Variants in EXD3 observed in about 807,000 individuals in gnomAD.
The protein encoded by EXD3 is exonuclease mut-7 homolog.
Under a neutral mutation model 98.0 loss-of-function variants are expected in EXD3, and 92 were observed. The ratio of observed to expected loss-of-function variants is 0.94; its 90% CI spans 0.79 to 1.12. The LOEUF is 1.12. Ranked by LOEUF, EXD3 falls within the 50% of genes most tolerant of loss-of-function variation. The probability of loss-of-function intolerance (pLI) is 0.00; values close to 1 mark genes in which losing one functional copy is unlikely to be tolerated. For missense variants in EXD3, 1,222 were observed against 1,191.6 expected, an observed-to-expected ratio of 1.03 and a Z score of -0.38; for synonymous variants, 569 against 526.0, an observed-to-expected ratio of 1.08 and a Z score of -1.12.
At chr9:137,354,505 G>A in intron 9 of EXD3, 128 bp from the exon 10 acceptor site, 1 of 1,547,538 alleles carries the variant, frequency 6.5e-7, no homozygotes, top group Non-Finnish European at 8.7e-7. Flanking sequence ...ACCCGCCCTG[G>A]TGCCACAGCC....
At chr9:137,355,349 A>C (rs1834577452) in intron 8 of EXD3, among the ~76,000 whole-genome samples, 1 of 151,788 alleles carries the variant, frequency 6.6e-6, no homozygotes, top group Non-Finnish European at 1.5e-5. Flanking sequence ...CCGACCTTTC[A>C]GGGCCCCACC....
chr9:137,395,694 C>T lies in EXD3; in HGVS notation c.-47-290G>A, dbSNP rs902630348. ...GGGGGGGGCACAGTAGACAGACCCT[C>T]GCGGGAGTGCAGAGGGGCCTGTTCT... is the stretch of plus-strand genomic sequence containing the variant. On this transcript the variant is annotated intron_variant, in intron 1 of 21. Coordinates refer to ENST00000340951, the MANE Select transcript of EXD3 (RefSeq NM_017820.5). This position sits in a 1 kb window ranked among gnomAD's most constrained non-coding sequence, Gnocchi z 6.5. Among the ~76,000 whole-genome samples the T allele has an allele frequency of 5.9e-5, 9 of 152,246 alleles. No individual in the cohort carries two copies. Among genetic ancestry groups the T allele is most frequent in the East Asian group, 1.9e-4 (1 of 5,152 alleles).
In EXD3 at chr9:137,352,754, C is replaced by T. The variant is rs1834375648; in HGVS notation, c.903G>A (p.Glu301=). Residue 301 remains glutamate, a synonymous_variant, in exon 11 of 22, where the codon GAG becomes GAA. Transcript: ENST00000340951. The stretch of plus-strand genomic sequence containing the variant: ...GGGAGACCAGCAGCTGAGACAGCTG[C>T]TCCTGAAGCCACGGGCTCTGCCCCA... ...GLVGQSPWLQ[E]QLSQLLVSHS... is the part of the protein sequence containing the mutation. 6.3e-7 allele frequency: 1 copy of T among 1,578,594 alleles called. No homozygotes were observed. The highest frequency in any genetic ancestry group is 8.6e-7 in the Non-Finnish European group (1 of 1,164,214).
chr9:137,415,392 C>T (rs1838191523), intron 1 of EXD3, among the ~76,000 whole-genome samples: 1 of 151,922 alleles, frequency 6.6e-6, no homozygotes, highest in Non-Finnish European at 1.5e-5. Flanking sequence ...CAGGGTCTCT[C>T]CATGTTCGCC....
intron 1 of EXD3, among the ~76,000 whole-genome samples, chr9:137,406,765 G>A (rs1837732142): frequency 6.6e-6 from 1 of 152,112 alleles, no homozygotes; most frequent in African/African-American, 2.4e-5. Flanking sequence ...TCAGTGGGCG[G>A]TAGACCCTCT....
In EXD3 at chr9:137,354,431, G is replaced by A. The variant is rs151081850; in HGVS notation, c.832-54C>T. 1.8e-3 allele frequency: 2,939 copies of A among 1,609,544 alleles called. 55 individuals carry two copies. The African/African-American group carries it at 0.032, about 18-fold the overall frequency. On this transcript the variant is annotated intron_variant, in intron 9 of 21. Coordinates refer to ENST00000340951, the MANE Select transcript of EXD3 (RefSeq NM_017820.5). ...GCCAGGCAGCTCCAGAGGCTGTATC[G>A]GGGCCTGGTGGGAGTTTTCCTCGAC...
Position 137,309,692 on chromosome 9 carries a change from G to A in EXD3, c.2193C>T (p.Asn731=), listed in dbSNP as rs761061781. 5.7e-5 allele frequency: 89 copies of A among 1,554,088 alleles called. No homozygotes were observed. In the South Asian group the frequency reaches 1.0e-3, roughly 17 times the overall value. ...ADIFSRCQAC[N]CDQYLKVSRD... ...TGGAGACCTTTAGGTACTGGTCACA[G>A]TTACAGGCCTGGGGGCCAGAGGGGG... The change falls in exon 20 of 22, where the codon AAC becomes AAT. Residue 731 remains asparagine, a synonymous_variant. Coordinates refer to ENST00000340951, the MANE Select transcript of EXD3 (RefSeq NM_017820.5).
intron 19 of EXD3, among the ~76,000 whole-genome samples, chr9:137,319,976 C>T (rs763228070): frequency 1.1e-4 from 16 of 152,220 alleles, no homozygotes; most frequent in Admixed American, 2.0e-4. Flanking sequence ...CCGCATGTGG[C>T]GCATACACGT....
chr9:137,380,689 G>A (rs1186418374), intron 3 of EXD3, among the ~76,000 whole-genome samples: 5 of 39,078 alleles, frequency 1.3e-4, no homozygotes, highest in Non-Finnish European at 1.9e-4. Context: ...CAATCCCCCC[G>A]CCGGTATCCC....
chr9:137,337,183 C>T (rs893677250), intron 17 of EXD3, among the ~76,000 whole-genome samples: 4 of 152,110 alleles, frequency 2.6e-5, no homozygotes, highest in African/African-American at 9.7e-5. Context: ...AAAGATTTCA[C>T]ACAACAGAAA....
At chr9:137,321,210 C>T (rs1382338776) in intron 19 of EXD3, among the ~76,000 whole-genome samples, 7 of 152,232 alleles carry the variant, frequency 4.6e-5, no homozygotes, top group East Asian at 1.9e-4. Flanking sequence ...GGCAGAAGGG[C>T]GGTAGCAGAA....
rs1014295111 is a variant in EXD3, at chr9:137,403,463, C to T, written c.-47-8059G>A. Among the ~76,000 whole-genome samples the T allele has an allele frequency of 3.9e-5, 6 of 151,972 alleles. No homozygotes were observed. In the East Asian group the frequency reaches 1.2e-3, roughly 30 times the overall value. On this transcript the variant is annotated intron_variant, in intron 1 of 21. Coordinates refer to ENST00000340951, the MANE Select transcript of EXD3 (RefSeq NM_017820.5). This position sits in a 1 kb window ranked among gnomAD's most constrained non-coding sequence, Gnocchi z 6.1. ...CCAGCACACCCTGGCCCAGGGTCTC[C>T]GAGGGTCGGGGGCCGCAGGGTCTGG... is the stretch of plus-strand genomic sequence containing the variant.
At chr9:137,376,786 A>ATT (rs1835926108) in intron 3 of EXD3, among the ~76,000 whole-genome samples, 1 of 151,636 alleles carries the variant, frequency 6.6e-6, no homozygotes, top group African/African-American at 2.4e-5. Context: ...AAAATTAGCT[A>ATT]GGCATGGTGG....
At chr9:137,312,069 T>A (rs967638526) in intron 19 of EXD3, among the ~76,000 whole-genome samples, 16 of 152,122 alleles carry the variant, frequency 1.1e-4, no homozygotes, top group Non-Finnish European at 1.5e-4. Flanking sequence ...ATGCCAGGGT[T>A]CTCACGCCGC....
In EXD3 at chr9:137,417,853, G is replaced by A. The variant is rs531438198; in HGVS notation, c.-48+5261C>T. Among the ~76,000 whole-genome samples, 58 of 152,292 alleles carry A rather than the reference G, an allele frequency of 3.8e-4. No homozygotes were observed. In the South Asian group the frequency reaches 0.01, roughly 27 times the overall value. On this transcript the variant is annotated intron_variant, in intron 1 of 21. Coordinates refer to ENST00000340951, the MANE Select transcript of EXD3 (RefSeq NM_017820.5). ...TGCGGGGGAGGCCGGGCCGTCAGGC[G>A]GGGAGGAAAGGACAGAGCCTGAGGA...
chr9:137,377,958 C>T (rs991523741), intron 3 of EXD3, among the ~76,000 whole-genome samples: 2 of 147,648 alleles, frequency 1.4e-5, no homozygotes, highest in Non-Finnish European at 3.0e-5. Flanking sequence ...CACGCCTGGC[C>T]AAGTTTTTAT....
intron 2 of EXD3, among the ~76,000 whole-genome samples, chr9:137,390,551 G>A (rs1487423585): frequency 1.3e-5 from 2 of 152,152 alleles, no homozygotes; most frequent in Non-Finnish European, 2.9e-5. Context: ...ACAGAAATGA[G>A]GCCCGGTATT....
rs201801336 is a variant in EXD3, at chr9:137,351,401, G to A, written c.1301C>T (p.Ser434Leu). 1.9e-3 allele frequency: 3,126 copies of A among 1,610,084 alleles called. 6 individuals carry two copies. The highest frequency in any genetic ancestry group is 2.5e-3 in the Non-Finnish European group (2,897 of 1,179,016). Residue 434 changes from serine (S) to leucine (L), a missense_variant, in exon 13 of 22, where the codon TCG (serine) becomes TTG (leucine). Transcript: ENST00000340951. ...HVFLLDVLAL[S>L]QPPTGQGAQA... ...GGCTCCCTGCCCTGTTGGTGGCTGC[G>A]AGAGTGCCAGGACGTCCAGAAGGAA...
rs1832249861 is a variant in EXD3 at position 137,324,105 on chromosome 9, CCCCGACGT to C, written c.2029_2036del (p.Thr677AlafsTer52). ...GGACACTCACCTTGTGGAATGGCTG[CCCCGACGT>C]CAGAATGATCCTCCCCTCCTGCCTG... On this transcript the variant is annotated frameshift_variant, in exon 18 of 22. Transcript: ENST00000340951. LOFTEE classifies it high-confidence loss of function. The surrounding 1 kb of genome is among the most constrained non-coding windows in gnomAD (Gnocchi z 4.1). The C allele has an allele frequency of 1.3e-6, 2 of 1,588,340 alleles. No individual in the cohort carries two copies. Among genetic ancestry groups the C allele is most frequent in the South Asian group, 2.3e-5 (2 of 87,074 alleles).
Sources: gnomAD v4.1 joint callset for allele counts (sites outside exome capture counted in the v4.1 genomes callset) on GRCh38, gnomAD v4.1.1 for gene constraint, Gnocchi (gnomAD v3.1) non-coding constraint, MANE v1.5 for transcripts, NCBI Gene and HGNC (gene_info 2026-07-23, HGNC 2026-07-21) for gene names.